The following SLC4A4 variants were observed in gnomAD, a reference collection of about 807,000 sequenced individuals.
The protein encoded by SLC4A4 is electrogenic sodium bicarbonate cotransporter 1.
A neutral mutation model predicts 111.5 loss-of-function variants in SLC4A4; 27 were observed. The observed-to-expected ratio is 0.24, with a 90% CI of 0.18 to 0.33. The LOEUF (loss-of-function observed/expected upper bound fraction) is 0.33, where lower values mean the gene tolerates loss of function less well. Ranked by LOEUF, SLC4A4 falls within the 10% of genes least tolerant of loss-of-function variation. The probability of loss-of-function intolerance (pLI) is 1.00; values close to 1 mark genes in which losing one functional copy is unlikely to be tolerated. For synonymous variants in SLC4A4, 443 were observed against 463.4 expected, an observed-to-expected ratio of 0.96 and a Z score of 0.57; for missense variants, 909 against 1,315.5, an observed-to-expected ratio of 0.69 and a Z score of 4.78.
chr4:71,188,789 T>C (rs1745606589), intron 1 of SLC4A4, among the ~76,000 whole-genome samples: 1 of 152,224 alleles, frequency 6.6e-6, no homozygotes, highest in Admixed American at 6.5e-5. Flanking sequence ...TATTAGCATG[T>C]AAATAATTTA....
intron 2 of SLC4A4, among the ~76,000 whole-genome samples, chr4:71,161,951 A>G (rs1195257519): frequency 1.3e-5 from 2 of 152,154 alleles, no homozygotes; most frequent in East Asian, 1.9e-4. Context: ...TCCTATCCCA[A>G]TCTACTAATT....
chr4:71,278,179 A>C (rs763036490), intron 3 of SLC4A4, among the ~76,000 whole-genome samples: 4 of 152,098 alleles, frequency 2.6e-5, no homozygotes, highest in Non-Finnish European at 5.9e-5. Context: ...ATTACACATA[A>C]AAGTGAGTTA....
At chr4:71,144,262 T>C (rs1334849666) in intron 2 of SLC4A4, among the ~76,000 whole-genome samples, 3 of 152,228 alleles carry the variant, frequency 2.0e-5, no homozygotes, top group Non-Finnish European at 4.4e-5. Context: ...GTTGTAGATA[T>C]GCGGCATTAT....
rs1293430331 is a variant in SLC4A4, at chr4:71,532,125, G to A, written c.2230G>A (p.Ala744Thr). Residue 744 changes from alanine to threonine, a missense_variant, in exon 17 of 26, where the codon GCC becomes ACC. Physicochemically the swap from Ala to Thr is moderately conservative, Grantham distance 58. Transcript: ENST00000264485. ...LSILIFCVID[A>T]LVGVDTPKLI... The stretch of plus-strand genomic sequence containing the variant: ...CATTCTCATCTTTTGTGTAATAGAT[G>A]CCCTAGTAGGCGTGGACACCCCAAA... The A allele has an allele frequency of 6.2e-7, 1 of 1,613,076 alleles. No homozygotes were observed. The highest frequency in any genetic ancestry group is 8.5e-7 in the Non-Finnish European group (1 of 1,179,304).
intron 3 of SLC4A4, among the ~76,000 whole-genome samples, chr4:71,260,584 C>G (rs964025904): frequency 6.6e-6 from 1 of 152,122 alleles, no homozygotes; most frequent in African/African-American, 2.4e-5. Context: ...AGTACTTTGT[C>G]TTTAGGTCTG....
At chr4:71,318,763 A>G (rs998461074) in intron 3 of SLC4A4, among the ~76,000 whole-genome samples, 3 of 151,672 alleles carry the variant, frequency 2.0e-5, no homozygotes, top group Non-Finnish European at 2.9e-5. Context: ...ATTTATTTTT[A>G]TGTAAACCAG....
chr4:71,157,523 C>G (rs1298410746), intron 2 of SLC4A4, among the ~76,000 whole-genome samples: 1 of 151,868 alleles, frequency 6.6e-6, no homozygotes, highest in Non-Finnish European at 1.5e-5. Context: ...TTAGCATAAG[C>G]AATATTTTAT....
At chr4:71,199,889 G>C (rs1746171530) in intron 1 of SLC4A4, among the ~76,000 whole-genome samples, 1 of 152,120 alleles carries the variant, frequency 6.6e-6, no homozygotes, top group Admixed American at 6.5e-5. Context: ...GACCTCAGGT[G>C]ATCCACCTGC....
intron 1 of SLC4A4, among the ~76,000 whole-genome samples, chr4:71,200,575 T>G (rs186525020): frequency 2.7e-4 from 41 of 152,300 alleles, no homozygotes; most frequent in African/African-American, 9.1e-4. Flanking sequence ...TATGACACCC[T>G]CTTTACAACA....
intron 5 of SLC4A4, among the ~76,000 whole-genome samples, chr4:71,353,925 G>A (rs915373705): frequency 6.6e-6 from 1 of 152,144 alleles, no homozygotes; most frequent in Non-Finnish European, 1.5e-5. Flanking sequence ...GACTGTTTAA[G>A]CAGGTGTTAC....
At chr4:71,296,119 TC>T (rs1473670344) in intron 3 of SLC4A4, among the ~76,000 whole-genome samples, 1 of 152,100 alleles carries the variant, frequency 6.6e-6, no homozygotes, top group Non-Finnish European at 1.5e-5. Flanking sequence ...GTTTTTTTTT[TC>T]ATTTTCTTTC....
At chr4:71,377,492 T>C (rs1732519802) in intron 6 of SLC4A4, among the ~76,000 whole-genome samples, 1 of 152,176 alleles carries the variant, frequency 6.6e-6, no homozygotes, top group South Asian at 2.1e-4. Context: ...GAGCAGGTCT[T>C]CCTGACTTTC....
intron 1 of SLC4A4, among the ~76,000 whole-genome samples, chr4:71,235,797 A>G (rs1442834268): frequency 1.3e-5 from 2 of 152,256 alleles, no homozygotes; most frequent in South Asian, 2.1e-4. Flanking sequence ...GGAGGACAGC[A>G]TAATGTGGTT....
chr4:71,522,860 T>C (rs1230578146), intron 16 of SLC4A4, among the ~76,000 whole-genome samples: 1 of 152,222 alleles, frequency 6.6e-6, no homozygotes, highest in East Asian at 1.9e-4. Flanking sequence ...AGTGTGGCGC[T>C]TCAGAAACTT....
intron 14 of SLC4A4, among the ~76,000 whole-genome samples, chr4:71,481,837 G>C (rs944737963): frequency 6.6e-6 from 1 of 151,606 alleles, no homozygotes. Context: ...TATGGAAAAC[G>C]ATCAACCTGT....
chr4:71,459,590 C>G (rs1440767017), intron 12 of SLC4A4, among the ~76,000 whole-genome samples: 1 of 151,844 alleles, frequency 6.6e-6, no homozygotes, highest in Non-Finnish European at 1.5e-5. Flanking sequence ...TAACAGAGCC[C>G]CTCTTAGTGG....
At chr4:71,275,914 G>A (rs1483085250) in intron 3 of SLC4A4, among the ~76,000 whole-genome samples, 1 of 152,164 alleles carries the variant, frequency 6.6e-6, no homozygotes, top group African/African-American at 2.4e-5. Flanking sequence ...GTTGAAGCTG[G>A]TGATTTACCT....
At chr4:71,561,062 T>C (rs1736936660) in intron 23 of SLC4A4, among the ~76,000 whole-genome samples, 1 of 151,710 alleles carries the variant, frequency 6.6e-6, no homozygotes, top group Admixed American at 6.6e-5. Context: ...CAAAATAATG[T>C]TTTCCATTTG....
intron 2 of SLC4A4, among the ~76,000 whole-genome samples, chr4:71,114,517 T>C (rs1006834305): frequency 7.3e-5 from 11 of 149,848 alleles, no homozygotes; most frequent in Admixed American, 6.0e-4. Context: ...CATCAAAAAG[T>C]GGGCGAAGGA....
Sources: allele counts gnomAD v4.1 joint callset (sites outside exome capture counted in the v4.1 genomes callset), GRCh38; gene constraint gnomAD v4.1.1; transcripts MANE v1.5; gene names NCBI Gene and HGNC (gene_info 2026-07-23, HGNC 2026-07-21).